RBM14: variants seen among roughly 807,000 people sequenced by gnomAD.
RBM14 encodes RNA-binding protein 14.
In RBM14, 5 loss-of-function variants were observed where a neutral mutation model predicts 52.8. The observed-to-expected ratio is 0.09, with a 90% CI of 0.05 to 0.20. The LOEUF is 0.20. RBM14 is among the 10% of genes least tolerant of loss of function. The probability of loss-of-function intolerance (pLI) is 1.00; values close to 1 mark genes in which losing one functional copy is unlikely to be tolerated. For synonymous variants in RBM14, 411 were observed against 401.8 expected (o/e 1.02, Z -0.28); for missense variants, 780 against 926.6 (o/e 0.84, Z 2.05).
rs772291166 is a variant in RBM14 at position 66,624,798 on chromosome 11, G to T, written c.922G>T (p.Ala308Ser). 1 of 1,614,106 alleles carries T rather than the reference G, an allele frequency of 6.2e-7. No individual in the cohort carries two copies. Among genetic ancestry groups the T allele is most frequent in the South Asian group, 1.1e-5 (1 of 91,088 alleles). ...TTCTTCACTCGGCCCATATGGTGGA[G>T]CCCAGCCCTCAGCCTCGGCCCTTTC... ...AASSLGPYGG[A>S]QPSASALSSY... Residue 308 changes from alanine to serine, a missense_variant, in exon 2 of 3, where the codon GCC becomes TCC. Coordinates refer to ENST00000310137, the MANE Select transcript of RBM14 (RefSeq NM_006328.4). The surrounding 1 kb of genome is among the most constrained non-coding windows in gnomAD (Gnocchi z 4.7).
chr11:66,624,247 A>G lies in RBM14; in HGVS notation c.371A>G (p.Asp124Gly). 1 of 1,600,972 alleles carries G rather than the reference A, an allele frequency of 6.2e-7. No individual in the cohort carries two copies. The highest frequency in any genetic ancestry group is 1.1e-5 in the South Asian group (1 of 90,248). The change falls in exon 2 of 3, where the codon GAT becomes GGT. Residue 124 changes from aspartate to glycine, a missense_variant. By Grantham distance (94) the Asp-to-Gly change is moderately conservative. Around this residue, in one of 4 missense-constraint regions of RBM14, gnomAD observed 33 missense variants for 87.3 expected, o/e 0.38. Coordinates refer to ENST00000310137, the MANE Select transcript of RBM14 (RefSeq NM_006328.4). The surrounding 1 kb of genome is among the most constrained non-coding windows in gnomAD (Gnocchi z 4.7). ...YAFVHMEKEADAKAAIAQLNG... is the reference protein window; with the variant it reads ...YAFVHMEKEAGAKAAIAQLNG... The stretch of plus-strand genomic sequence containing the variant: ...TTTGTTCACATGGAGAAGGAAGCAG[A>G]TGCCAAAGCCGCAATCGCGCAGCTC...
At chr11:66,619,407 C>G (rs1239462524) in intron 1 of RBM14, 1 of 152,184 alleles carries the variant, frequency 6.6e-6, no homozygotes, top group Admixed American at 6.5e-5. Context: ...ACAGCTTCCT[C>G]CTATTGGGTG....
chr11:66,624,541 C>T lies in RBM14; in HGVS notation c.665C>T (p.Pro222Leu). The T allele has an allele frequency of 1.2e-6, 2 of 1,613,328 alleles. No individual in the cohort carries two copies. The highest frequency in any genetic ancestry group is 1.7e-6 in the Non-Finnish European group (2 of 1,180,006). Residue 222 changes from proline to leucine, a missense_variant, in exon 2 of 3, where the codon CCC becomes CTC. By Grantham distance (98) the Pro-to-Leu change is moderately conservative. Around this residue, in one of 4 missense-constraint regions of RBM14, gnomAD observed 675 missense variants for 697.3 expected, o/e 0.97. Coordinates refer to ENST00000310137, the MANE Select transcript of RBM14 (RefSeq NM_006328.4). The surrounding 1 kb of genome is among the most constrained non-coding windows in gnomAD (Gnocchi z 4.7). Reference sequence around the variant, plus strand: ...CGCAGCCCTCTGCGCCGTTCACCTCCCCGAGCCTCTTATGTGGCTCCTCTG... The same window carrying T: ...CGCAGCCCTCTGCGCCGTTCACCTCTCCGAGCCTCTTATGTGGCTCCTCTG... ...RDRSPLRRSP[P>L]RASYVAPLTA... is the part of the protein sequence containing the mutation.
rs1034191163 is a variant in RBM14, at chr11:66,626,767, G to T, written c.*99G>T. 4.0e-6 allele frequency: 5 copies of T among 1,253,398 alleles called. No individual in the cohort carries two copies. The highest frequency in any genetic ancestry group is 5.4e-6 in the Non-Finnish European group (5 of 926,606). 77.6% of individuals were successfully genotyped at this position (1,253,398 alleles called of 1,614,324 possible). ...ACTACTCTGGCCCATACCTTTCCTG[G>T]TTGTGGTTTTTCATGCCCTCTACCA... On this transcript the variant is annotated 3_prime_UTR_variant, in exon 3 of 3. Transcript: ENST00000310137.
rs1159247211 is a variant in RBM14 at position 66,618,931 on chromosome 11, G to A, written c.337+1874G>A. 1.4e-5 allele frequency: 3 copies of A among 216,600 alleles called. No individual in the cohort carries two copies. The East Asian group carries it at 3.2e-4, about 23-fold the overall frequency. The allele number at this position is 216,600 out of a possible 1,614,324, so 13.4% of individuals were successfully genotyped here. On this transcript the variant is annotated intron_variant, in intron 1 of 2. Coordinates refer to ENST00000310137, the MANE Select transcript of RBM14 (RefSeq NM_006328.4). ...TGACTCCTTGTGAGAGTTAGACGGA[G>A]TTTTGTGCATCTTGTTCCTTTGTAA...
Position 66,625,726 on chromosome 11 carries a change from G to C in RBM14, c.1802+48G>C. The C allele has an allele frequency of 7.0e-7, 1 of 1,437,278 alleles. No homozygotes were observed. The highest frequency in any genetic ancestry group is 1.4e-5 in the African/African-American group (1 of 70,472). The allele number at this position is 1,437,278 out of a possible 1,614,324, so 89.0% of individuals were successfully genotyped here. ...TGCCCCCAGCTGGGGCTTAGGGCAA[G>C]GGGCTGAGGTTGGCATGGGAGGGAA... On this transcript the variant is annotated intron_variant, in intron 2 of 2. Coordinates refer to ENST00000310137, the MANE Select transcript of RBM14 (RefSeq NM_006328.4). The surrounding 1 kb of genome is among the most constrained non-coding windows in gnomAD (Gnocchi z 4.2).
chr11:66,623,769 A>AGT (rs1380340525), intron 1 of RBM14: 1 of 655,718 alleles, frequency 1.5e-6, no homozygotes, highest in Non-Finnish European at 2.8e-6. Context: ...GGTCATTTCC[A>AGT]GTGTTTGAGA....
At position 66,624,554 on chromosome 11, in the gene RBM14, T is replaced by C. The variant is rs776057585; in HGVS notation, c.678T>C (p.Tyr226=). The C allele has an allele frequency of 6.4e-5, 103 of 1,612,924 alleles. No individual in the cohort carries two copies. The highest frequency in any genetic ancestry group is 1.2e-4 in the African/African-American group (9 of 74,916). ...GCCGTTCACCTCCCCGAGCCTCTTA[T>C]GTGGCTCCTCTGACGGCCCAGCCAG... is the stretch of plus-strand genomic sequence containing the variant. ...PLRRSPPRAS[Y]VAPLTAQPAT... is the part of the protein sequence containing the mutation. The change falls in exon 2 of 3, where the codon TAT becomes TAC. Residue 226 remains tyrosine (Y), a synonymous_variant. Transcript: ENST00000310137. This position sits in a 1 kb window ranked among gnomAD's most constrained non-coding sequence, Gnocchi z 4.7.
In RBM14 at chr11:66,627,999, T is replaced by C. The variant is rs1431815711; in HGVS notation, c.*1331T>C. ...TGCCATTATAGTCACCGGAGACTCC[T>C]TTACCTATCCCTATCTGTTAGGGTT... On this transcript the variant is annotated 3_prime_UTR_variant, in exon 3 of 3. Coordinates refer to ENST00000310137, the MANE Select transcript of RBM14 (RefSeq NM_006328.4). Among the ~76,000 whole-genome samples, 3 of 152,128 alleles carry C rather than the reference T, an allele frequency of 2.0e-5. No individual in the cohort carries two copies. The highest frequency in any genetic ancestry group is 4.8e-5 in the African/African-American group (2 of 41,426).
chr11:66,618,884 A>G (rs1219197348), intron 1 of RBM14, among the ~76,000 whole-genome samples: 1 of 152,230 alleles, frequency 6.6e-6, no homozygotes, highest in Non-Finnish European at 1.5e-5. Context: ...ATAACTGCAC[A>G]TGAATTTTTA....
In RBM14 at chr11:66,625,361, T is replaced by C; in HGVS notation, c.1485T>C (p.Thr495=). The C allele has an allele frequency of 6.2e-7, 1 of 1,600,374 alleles. No homozygotes were observed. The highest frequency in any genetic ancestry group is 1.1e-5 in the South Asian group (1 of 90,360). ...SYGAQSAAAA[T]GSYGAAAAYG... is the part of the protein sequence containing the mutation. ...GGGCTCAGTCGGCTGCTGCGGCCAC[T>C]GGCTCCTATGGTGCCGCAGCAGCCT... Residue 495 remains threonine (T), a synonymous_variant, in exon 2 of 3, where the codon ACT becomes ACC. Transcript: ENST00000310137. The surrounding 1 kb of genome is among the most constrained non-coding windows in gnomAD (Gnocchi z 4.2).
chr11:66,622,090 A>G (rs1859139227), intron 1 of RBM14, among the ~76,000 whole-genome samples: 2 of 151,488 alleles, frequency 1.3e-5, no homozygotes, highest in Non-Finnish European at 2.9e-5. Flanking sequence ...TAATTTTTGT[A>G]TTTTTAGTAG....
chr11:66,626,323 C>T, intron 2 of RBM14, 138 bp from the exon 3 acceptor site: 2 of 869,018 alleles, frequency 2.3e-6, no homozygotes, highest in Non-Finnish European at 3.6e-6. Flanking sequence ...GGTGATGAGC[C>T]TTCTGACAAA....
At chr11:66,617,346 C>T (rs1858886189) in intron 1 of RBM14, 1 of 1,245,576 alleles carries the variant, frequency 8.0e-7, no homozygotes, top group Non-Finnish European at 1.0e-6. Context: ...TCCGGGGGCG[C>T]GCCTTCTCCT....
intron 1 of RBM14, chr11:66,617,608 G>C (rs1226135477): frequency 3.1e-6 from 3 of 975,954 alleles, no homozygotes; most frequent in Non-Finnish European, 3.7e-6. Flanking sequence ...TCTGGCATGG[G>C]TCTACTCATG....
Position 66,616,906 on chromosome 11 carries a change from G to A in RBM14, c.186G>A (p.Pro62=), listed in dbSNP as rs773246284. 3.1e-6 allele frequency: 5 copies of A among 1,611,490 alleles called. No individual in the cohort carries two copies. In the African/African-American group the frequency reaches 6.7e-5, roughly 22 times the overall value. ...CCCTGCACGGCCACGAGCTGCGGCC[G>A]GGGCGCGCGCTCGTGGTGGAGATGT... The part of the protein sequence containing the change: ...IEALHGHELR[P]GRALVVEMSR... The change falls in exon 1 of 3, where the codon CCG becomes CCA. Residue 62 remains proline, a synonymous_variant. Transcript: ENST00000310137.
intron 1 of RBM14, among the ~76,000 whole-genome samples, chr11:66,618,741 A>G (rs1190118143): frequency 6.6e-6 from 1 of 152,180 alleles, no homozygotes; most frequent in African/African-American, 2.4e-5. Flanking sequence ...TTGAGAGTCT[A>G]GAGTCAAACA....
intron 1 of RBM14, among the ~76,000 whole-genome samples, chr11:66,621,862 TCTTAA>T (rs1859128111): frequency 6.6e-6 from 1 of 152,234 alleles, no homozygotes; most frequent in South Asian, 2.1e-4. Context: ...CTCTTGAACC[TCTTAA>T]CTTTGAGGTA....
At position 66,625,757 on chromosome 11, in the gene RBM14, A is replaced by G; in HGVS notation, c.1802+79A>G. On this transcript the variant is annotated intron_variant, in intron 2 of 2. Transcript: ENST00000310137. The surrounding 1 kb of genome is among the most constrained non-coding windows in gnomAD (Gnocchi z 4.2). ...GAGGTTGGCATGGGAGGGAAACTGG[A>G]GGCATCGGCCCCTCCCTCGGTCTTC... 8.8e-7 allele frequency: 1 copy of G among 1,136,266 alleles called. No individual in the cohort carries two copies. The highest frequency in any genetic ancestry group is 1.5e-5 in the South Asian group (1 of 66,906). The allele number at this position is 1,136,266 out of a possible 1,614,324, so 70.4% of individuals were successfully genotyped here.
Sources: allele counts gnomAD v4.1 joint callset (sites outside exome capture counted in the v4.1 genomes callset), GRCh38; gene constraint gnomAD v4.1.1; regional missense constraint gnomAD v4.1.1; non-coding constraint Gnocchi (gnomAD v3.1); transcripts MANE v1.5; gene names NCBI Gene and HGNC (gene_info 2026-07-23, HGNC 2026-07-21).